FER: variants seen among roughly 807,000 people sequenced by gnomAD.
FER encodes FER tyrosine kinase, also known as tyrosine-protein kinase Fer.
In FER, 63 loss-of-function variants were observed where a neutral mutation model predicts 111.0. That is an observed-to-expected ratio of 0.57 (90% CI 0.46 to 0.70). FER has a LOEUF of 0.70. Ranked by LOEUF, FER falls within the 30% of genes least tolerant of loss-of-function variation. FER has a pLI of 0.00. For synonymous variants in FER, 327 were observed against 313.9 expected, an observed-to-expected ratio of 1.04 and a Z score of -0.44; for missense variants, 914 against 954.0, an observed-to-expected ratio of 0.96 and a Z score of 0.55.
intron 17 of FER, among the ~76,000 whole-genome samples, chr5:109,160,911 A>T (rs1425611190): frequency 6.6e-6 from 1 of 152,190 alleles, no homozygotes; most frequent in Non-Finnish European, 1.5e-5. Context: ...CTGATGACGG[A>T]TGCTACATGT....
chr5:108,864,800 C>T (rs940528907), intron 5 of FER, among the ~76,000 whole-genome samples: 21 of 152,092 alleles, frequency 1.4e-4, no homozygotes, highest in Non-Finnish European at 2.5e-4. Flanking sequence ...ATGATGCCTC[C>T]AGCTTTGTTC....
intron 8 of FER, among the ~76,000 whole-genome samples, chr5:108,876,033 T>C (rs528367243): frequency 1.8e-4 from 27 of 152,324 alleles, no homozygotes; most frequent in African/African-American, 5.5e-4. Context: ...ATTTAGCTTT[T>C]AGAATATAAA....
At chr5:109,057,085 A>T (rs753344348) in intron 16 of FER, among the ~76,000 whole-genome samples, 1 of 152,214 alleles carries the variant, frequency 6.6e-6, no homozygotes, top group Non-Finnish European at 1.5e-5. Flanking sequence ...CTGTAGTTAC[A>T]TAGGTTGTCT....
chr5:109,031,324 T>G (rs1459275336), intron 13 of FER, among the ~76,000 whole-genome samples: 1 of 152,104 alleles, frequency 6.6e-6, no homozygotes, highest in African/African-American at 2.4e-5. Context: ...CTTGTTTGCC[T>G]CTTGAATTAT....
intron 13 of FER, among the ~76,000 whole-genome samples, chr5:109,019,595 C>T (rs1252798571): frequency 6.6e-6 from 1 of 151,732 alleles, no homozygotes; most frequent in African/African-American, 2.4e-5. Context: ...TATGCCAGGC[C>T]TACTGATTCA....
chr5:108,853,991 G>A lies in FER; in HGVS notation c.482-13776G>A, dbSNP rs548797316. On this transcript the variant is annotated intron_variant, in intron 5 of 19. Coordinates refer to ENST00000281092, the MANE Select transcript of FER (RefSeq NM_005246.4). ...GGTCATGCTGGTTTGGACCTGGTTG[G>A]TAGCAAAAGAAGTGCTGAGAAGTGC... 3.9e-5 allele frequency among the ~76,000 whole-genome samples: 6 copies of A among 152,260 alleles called. No individual in the cohort carries two copies. The East Asian group carries it at 9.7e-4, about 24-fold the overall frequency.
At position 109,196,264 on chromosome 5, in the gene FER, T is replaced by C. The variant is rs1429027074; in HGVS notation, c.*8689T>C. The C allele has an allele frequency of 6.6e-6, 1 of 152,176 alleles. No individual in the cohort carries two copies. The highest frequency in any genetic ancestry group is 1.5e-5 in the Non-Finnish European group (1 of 68,058). 9.4% of individuals were successfully genotyped at this position (152,176 alleles called of 1,614,324 possible). A position where few individuals can be genotyped will look rare whatever the true frequency, so the allele number is the denominator to read the frequency against. On this transcript the variant is annotated 3_prime_UTR_variant, in exon 20 of 20. Transcript: ENST00000281092. ...TTCCTTTTCCTTTTGATAGATGAGT[T>C]TGAGATGATGGAGTAGGAGTGGGGC...
At position 108,832,750 on chromosome 5, in the gene FER, C is replaced by CTTTTTTTTTTT. The variant is rs376837075; in HGVS notation, c.208-14_208-4dup. The CTTTTTTTTTTT allele has an allele frequency of 9.6e-7, 1 of 1,037,626 alleles. No individual in the cohort carries two copies. 64.3% of individuals were successfully genotyped at this position (1,037,626 alleles called of 1,614,324 possible). A position where few individuals can be genotyped will look rare whatever the true frequency, so the allele number is the denominator to read the frequency against. ...AAACCTTTAATGCAAATGTTTGTTT[C>CTTTTTTTTTTT]TTTTTTTTTTTTTTTTAAGTCTTGG... is the stretch of plus-strand genomic sequence containing the variant. On this transcript the variant is annotated intron_variant, in intron 3 of 19. Transcript: ENST00000281092.
chr5:109,120,192 G>A (rs1750785400), intron 17 of FER, among the ~76,000 whole-genome samples: 2 of 152,020 alleles, frequency 1.3e-5, no homozygotes, highest in African/African-American at 2.4e-5. Flanking sequence ...CCAATGTCCT[G>A]GAGAGTTTCC....
intron 13 of FER, among the ~76,000 whole-genome samples, chr5:108,981,071 T>G (rs1761967051): frequency 6.6e-6 from 1 of 152,076 alleles, no homozygotes; most frequent in African/African-American, 2.4e-5. Context: ...CAAATCACAG[T>G]AAAGTGAAGC....
rs75268967 is a variant in FER, at chr5:109,063,469, T to A, written c.1924+16271T>A. On this transcript the variant is annotated intron_variant, in intron 16 of 19. Transcript: ENST00000281092. ...TTGTGATAAATGTAGAAAGGATAAA[T>A]TGAGCCAACAAAGGATTAAGGAATG... Among the ~76,000 whole-genome samples the A allele has an allele frequency of 8.4e-3, 1,280 of 152,278 alleles. 96 individuals carry two copies. In the East Asian group the frequency reaches 0.2, roughly 23 times the overall value.
Position 109,091,827 on chromosome 5 carries a change from A to G in FER, c.1925-8569A>G, listed in dbSNP as rs371946792. On this transcript the variant is annotated intron_variant, in intron 16 of 19. Transcript: ENST00000281092. ...ACACACACTTCTTACCTAAGACTCA[A>G]TGTGATAATATTAAGAGGTGGGGCC... Among the ~76,000 whole-genome samples the G allele has an allele frequency of 1.2e-4, 18 of 152,280 alleles. No homozygotes were observed. In the South Asian group the frequency reaches 2.5e-3, roughly 21 times the overall value.
chr5:108,866,447 A>T (rs1486892862), intron 5 of FER, among the ~76,000 whole-genome samples: 1 of 152,076 alleles, frequency 6.6e-6, no homozygotes, highest in African/African-American at 2.4e-5. Context: ...GGATGGGGGG[A>T]AGGGGGAGTG....
At chr5:109,187,283 TAA>T in intron 19 of FER, 148 bp from the exon 20 acceptor site, 1 of 716,324 alleles carries the variant, frequency 1.4e-6, no homozygotes, top group Middle Eastern at 4.0e-4. Context: ...CTGTAGAAAA[TAA>T]AAACTCAGCC....
At chr5:108,950,402 A>G (rs1446254491) in intron 11 of FER, among the ~76,000 whole-genome samples, 1 of 152,216 alleles carries the variant, frequency 6.6e-6, no homozygotes, top group Admixed American at 6.5e-5. Context: ...AGCTAGTTTC[A>G]TTATAGAATG....
chr5:109,003,571 C>T (rs1251876454), intron 13 of FER, among the ~76,000 whole-genome samples: 2 of 152,000 alleles, frequency 1.3e-5, no homozygotes, highest in African/African-American at 4.8e-5. Flanking sequence ...ACATATGTAA[C>T]AAACCTGCAC....
At chr5:108,821,060 C>T (rs1758789192) in intron 3 of FER, among the ~76,000 whole-genome samples, 1 of 152,158 alleles carries the variant, frequency 6.6e-6, no homozygotes, top group Non-Finnish European at 1.5e-5. Context: ...TATAGTGAGC[C>T]AGGATTGCTC....
intron 13 of FER, among the ~76,000 whole-genome samples, chr5:109,000,308 AATAT>A (rs540989829): frequency 2.1e-3 from 314 of 152,186 alleles, no homozygotes; most frequent in African/African-American, 7.1e-3. Context: ...TAATTTATTT[AATAT>A]ATAGAGTACA....
At chr5:109,129,574 A>G (rs1752131095) in intron 17 of FER, among the ~76,000 whole-genome samples, 1 of 152,072 alleles carries the variant, frequency 6.6e-6, no homozygotes, top group African/African-American at 2.4e-5. Context: ...GGTTTGAAAC[A>G]TATTCGATAA....
Sources: allele counts gnomAD v4.1 joint callset (sites outside exome capture counted in the v4.1 genomes callset), GRCh38; gene constraint gnomAD v4.1.1; transcripts MANE v1.5; gene names NCBI Gene and HGNC (gene_info 2026-07-23, HGNC 2026-07-21).